WDPCP: variants seen among roughly 807,000 people sequenced by gnomAD.
WDPCP encodes WD repeat containing planar cell polarity effector.
WDPCP carries 71 observed loss-of-function variants against 93.1 expected under a neutral mutation model. The observed-to-expected ratio is 0.76, with a 90% CI of 0.63 to 0.93. The LOEUF is 0.93. Among genes scored for constraint, WDPCP ranks in the 40% least tolerant of loss-of-function variants. WDPCP has a pLI of 0.00. For missense variants in WDPCP, 844 were observed against 887.4 expected (o/e 0.95, Z 0.62); for synonymous variants, 315 against 315.0 (o/e 1.00, Z 0.00).
intron 8 of WDPCP, 123 bp downstream of exon 8, chr2:63,437,298 T>C (rs1292101829): frequency 2.0e-5 from 17 of 845,940 alleles, no homozygotes; most frequent in Non-Finnish European, 3.0e-5. Flanking sequence ...CTTAATCCTG[T>C]AATATTTCCA....
intron 1 of WDPCP, among the ~76,000 whole-genome samples, chr2:63,820,991 T>G (rs1018221574): frequency 1.4e-4 from 21 of 152,216 alleles, no homozygotes; most frequent in Non-Finnish European, 2.2e-4. Context: ...TTTGAAAATC[T>G]ACATAGTCAA....
At chr2:63,558,515 G>A (rs1005404618) in intron 1 of WDPCP, among the ~76,000 whole-genome samples, 16 of 139,426 alleles carry the variant, frequency 1.1e-4, no homozygotes, top group Non-Finnish European at 2.1e-4. Context: ...GCAACAGAGT[G>A]AGACTCTGTC....
At chr2:63,431,255 T>G (rs933207675) in intron 9 of WDPCP, among the ~76,000 whole-genome samples, 57 of 152,024 alleles carry the variant, frequency 3.7e-4, no homozygotes, top group Admixed American at 2.6e-4. Context: ...CTCCCTCCCC[T>G]CCAGAGATTC....
intron 6 of WDPCP, among the ~76,000 whole-genome samples, chr2:63,477,610 C>CTGTGG (rs1181922800): frequency 6.6e-5 from 10 of 152,058 alleles, no homozygotes; most frequent in Non-Finnish European, 8.8e-5. Flanking sequence ...GCTCCAAGAA[C>CTGTGG]TACCACAGGA....
chr2:63,708,361 C>A (rs1669201330), intron 2 of WDPCP, among the ~76,000 whole-genome samples: 1 of 152,212 alleles, frequency 6.6e-6, no homozygotes, highest in African/African-American at 2.4e-5. Flanking sequence ...TGCTGCCTTG[C>A]AGTTTGATCT....
chr2:63,736,973 T>C (rs1558898535), intron 2 of WDPCP, among the ~76,000 whole-genome samples: 2 of 151,968 alleles, frequency 1.3e-5, no homozygotes, highest in African/African-American at 4.8e-5. Flanking sequence ...AAAAACCATA[T>C]ATTACCTTAT....
intron 1 of WDPCP, among the ~76,000 whole-genome samples, chr2:63,506,571 A>G (rs1701888147): frequency 1.3e-5 from 2 of 152,110 alleles, no homozygotes; most frequent in African/African-American, 4.8e-5. Context: ...GCAAGTACCA[A>G]TGGCGGGGTG....
chr2:63,789,022 C>A (rs1018014436), intron 2 of WDPCP, among the ~76,000 whole-genome samples: 4 of 152,178 alleles, frequency 2.6e-5, no homozygotes, highest in Admixed American at 6.6e-5. Flanking sequence ...GCTGGAACTA[C>A]AGGTAAACAC....
At chr2:63,750,934 T>A (rs2103882156) in intron 2 of WDPCP, among the ~76,000 whole-genome samples, 1 of 152,214 alleles carries the variant, frequency 6.6e-6, no homozygotes, top group South Asian at 2.1e-4. Flanking sequence ...GTAGGCAAAT[T>A]TTTTTCTGGT....
chr2:63,694,160 G>A (rs1484567967), intron 2 of WDPCP, among the ~76,000 whole-genome samples: 2 of 152,132 alleles, frequency 1.3e-5, no homozygotes, highest in Non-Finnish European at 2.9e-5. Context: ...TAGAAAAAGA[G>A]TTAATCAGTT....
At chr2:63,708,678 C>T (rs1166030855) in intron 2 of WDPCP, among the ~76,000 whole-genome samples, 1 of 152,142 alleles carries the variant, frequency 6.6e-6, no homozygotes, top group East Asian at 2.0e-4. Flanking sequence ...AACCCGGTAC[C>T]TCAGTTGGAA....
At chr2:63,449,605 G>T (rs1698091412) in intron 6 of WDPCP, among the ~76,000 whole-genome samples, 2 of 152,052 alleles carry the variant, frequency 1.3e-5, no homozygotes. Flanking sequence ...CCCCACTATG[G>T]ACTGCTGCAA....
chr2:63,428,210 A>G (rs756037107), intron 9 of WDPCP, among the ~76,000 whole-genome samples: 28 of 151,414 alleles, frequency 1.8e-4, no homozygotes, highest in Non-Finnish European at 3.4e-4. Flanking sequence ...ATTGAGGAGG[A>G]GGGACTCCTC....
rs1216546160 is a variant in WDPCP at position 63,721,981 on chromosome 2, T to G, written n.309-71143A>C. Among the ~76,000 whole-genome samples, 5 of 152,176 alleles carry G rather than the reference T, an allele frequency of 3.3e-5. No individual in the cohort carries two copies. The East Asian group carries it at 9.7e-4, about 29-fold the overall frequency. ...CCTAACCGCAAGTGATCCACCAGCCTCGGCCTCCCGAGGTGCCGGGATTGC... is the reference window on the plus strand; with the variant it reads ...CCTAACCGCAAGTGATCCACCAGCCGCGGCCTCCCGAGGTGCCGGGATTGC... On this transcript the variant is annotated intron_variant and non_coding_transcript_variant, in intron 2 of 4. Transcript: ENST00000467687.
intron 12 of WDPCP, among the ~76,000 whole-genome samples, chr2:63,336,270 C>T (rs1409478332): frequency 2.0e-5 from 3 of 152,124 alleles, no homozygotes; most frequent in African/African-American, 7.2e-5. Context: ...TTTATGTGGA[C>T]TCTCTGGAAT....
chr2:63,683,297 G>T (rs1286014068), intron 2 of WDPCP, among the ~76,000 whole-genome samples: 1 of 151,904 alleles, frequency 6.6e-6, no homozygotes, highest in African/African-American at 2.4e-5. Flanking sequence ...AAAGACATAG[G>T]GTGGCTGAAT....
chr2:63,536,677 A>G (rs1704301059), intron 1 of WDPCP, among the ~76,000 whole-genome samples: 1 of 152,034 alleles, frequency 6.6e-6, no homozygotes, highest in Non-Finnish European at 1.5e-5. Flanking sequence ...GTGCATCAGA[A>G]CATAAGACGG....
intron 2 of WDPCP, among the ~76,000 whole-genome samples, chr2:63,784,381 T>C (rs1670439245): frequency 1.3e-5 from 2 of 152,094 alleles, no homozygotes; most frequent in South Asian, 2.1e-4. Flanking sequence ...AAATTCCTTT[T>C]GAAAATAATG....
chr2:63,825,259 G>A (rs529475408), intron 1 of WDPCP, among the ~76,000 whole-genome samples: 4 of 152,064 alleles, frequency 2.6e-5, no homozygotes, highest in Non-Finnish European at 5.9e-5. Context: ...ACTCTGCCTC[G>A]CTAGTGGGTA....
Sources: gnomAD v4.1 joint callset for allele counts (sites outside exome capture counted in the v4.1 genomes callset) on GRCh38, gnomAD v4.1.1 for gene constraint, MANE v1.5 for transcripts, NCBI Gene and HGNC (gene_info 2026-07-23, HGNC 2026-07-21) for gene names.